The following WDR5 variants were observed in gnomAD, a reference collection of about 807,000 sequenced individuals.
The protein encoded by WDR5 is WD repeat domain 5, also known as WD repeat-containing protein 5.
For missense variants in WDR5, 187 were observed against 416.9 expected, an observed-to-expected ratio of 0.45 and a Z score of 4.80; for synonymous variants, 144 against 161.6, an observed-to-expected ratio of 0.89 and a Z score of 0.83.
intron 1 of WDR5, among the ~76,000 whole-genome samples, chr9:134,138,317 C>T (rs1831688054): frequency 7.2e-6 from 1 of 139,136 alleles, no homozygotes; most frequent in South Asian, 2.2e-4. Flanking sequence ...GGCATGGGCA[C>T]AGTTCACTCA....
intron 7 of WDR5, 87 bp downstream of exon 7, chr9:134,142,806 A>C: frequency 7.2e-7 from 1 of 1,383,072 alleles, no homozygotes; most frequent in Non-Finnish European, 1.0e-6. Context: ...TGAGGGGCGT[A>C]AGCCTGGCCA....
At position 134,148,283 on chromosome 9, in the gene WDR5, C is replaced by T. The variant is rs753960732; in HGVS notation, c.529-5C>T. On this transcript the variant is annotated splice_polypyrimidine_tract_variant and splice_region_variant and intron_variant, in intron 7 of 13. Transcript: ENST00000358625. The stretch of plus-strand genomic sequence containing the variant: ...TTGTCTCTTCTTCCTCTCCTTAATT[C>T]CTAGGTTCATTTTAATCGTGATGGA... 2 of 1,535,912 alleles carry T rather than the reference C, an allele frequency of 1.3e-6. No individual in the cohort carries two copies. Among genetic ancestry groups the T allele is most frequent in the Admixed American group, 1.8e-5 (1 of 54,370 alleles).
At chr9:134,145,730 C>T (rs1251378723) in intron 7 of WDR5, among the ~76,000 whole-genome samples, 2 of 152,202 alleles carry the variant, frequency 1.3e-5, no homozygotes, top group Non-Finnish European at 2.9e-5. Context: ...GGCTAGGGCT[C>T]CTCGGCTGAG....
intron 7 of WDR5, among the ~76,000 whole-genome samples, chr9:134,146,033 C>G (rs1368495459): frequency 1.3e-5 from 2 of 149,884 alleles, no homozygotes; most frequent in Non-Finnish European, 1.5e-5. Flanking sequence ...GGTGTGATCT[C>G]AGCTCACTGC....
chr9:134,151,920 C>G, intron 8 of WDR5, 63 bp from the exon 9 acceptor site: 13 of 1,542,336 alleles, frequency 8.4e-6, no homozygotes, highest in Non-Finnish European at 1.1e-5. Context: ...TATCTGACTC[C>G]CAGCAGCCCG....
intron 8 of WDR5, 80 bp downstream of exon 8, chr9:134,148,423 G>A: frequency 3.1e-6 from 4 of 1,279,320 alleles, no homozygotes; most frequent in South Asian, 2.5e-5. Flanking sequence ...GCATCTGGGG[G>A]TACAGCAGTG....
intron 1 of WDR5, among the ~76,000 whole-genome samples, chr9:134,139,083 C>T (rs28610172): frequency 1.2e-4 from 18 of 152,324 alleles, no homozygotes; most frequent in African/African-American, 4.3e-4. Context: ...TTTCGTTCCC[C>T]TGCAGTGTGA....
At position 134,152,084 on chromosome 9, in the gene WDR5, G is replaced by A. The variant is rs937958037; in HGVS notation, c.631+55G>A. 6.3e-6 allele frequency: 10 copies of A among 1,587,184 alleles called. 1 individual carries two copies. The highest frequency in any genetic ancestry group is 4.5e-5 in the South Asian group (4 of 88,244). On this transcript the variant is annotated intron_variant, in intron 9 of 13. Transcript: ENST00000358625. ...CTGTGGGGAGGGCCTCCCCTGCTGG[G>A]TTCACTGCCCCTGTTCTTCACCAGC...
upstream of WDR5, chr9:134,135,604 C>T (rs1252174385): frequency 6.6e-6 from 1 of 152,136 alleles, no homozygotes; most frequent in African/African-American, 2.4e-5. Flanking sequence ...GGGTGGGAGG[C>T]CACATGGGGG....
In WDR5 at chr9:134,159,398, C is replaced by T. The variant is rs957641274; in HGVS notation, c.*1405C>T. On this transcript the variant is annotated 3_prime_UTR_variant, in exon 14 of 14. Coordinates refer to ENST00000358625, the MANE Select transcript of WDR5 (RefSeq NM_017588.3). The surrounding 1 kb of genome is among the most constrained non-coding windows in gnomAD (Gnocchi z 4.3). ...CCGGAGCCCAGCCAGCTCTGCCTCT[C>T]TCAGGGCCTGGAGTCCTGGGGGAGC... 3.9e-5 allele frequency: 6 copies of T among 152,530 alleles called. No individual in the cohort carries two copies. Among genetic ancestry groups the T allele is most frequent in the Non-Finnish European group, 5.9e-5 (4 of 68,334 alleles). The allele number at this position is 152,530 out of a possible 1,614,324, so 9.4% of individuals were successfully genotyped here.
At chr9:134,153,140 C>G (rs191745288) in intron 9 of WDR5, among the ~76,000 whole-genome samples, 48 of 152,302 alleles carry the variant, frequency 3.2e-4, no homozygotes, top group African/African-American at 8.9e-4. Flanking sequence ...CACTTGGTGT[C>G]CCCTGGACGG....
intron 3 of WDR5, 117 bp from the exon 4 acceptor site, chr9:134,141,393 C>A: frequency 1.1e-6 from 1 of 951,708 alleles, no homozygotes; most frequent in Non-Finnish European, 1.7e-6. Context: ...GGGTTCTGAG[C>A]CATGTGGTTC....
chr9:134,158,130 A>G lies in WDR5; in HGVS notation c.*137A>G, dbSNP rs533098427. 3 of 742,998 alleles carry G rather than the reference A, an allele frequency of 4.0e-6. No homozygotes were observed. Among genetic ancestry groups the G allele is most frequent in the Admixed American group, 2.5e-5 (1 of 39,464 alleles). The allele number at this position is 742,998 out of a possible 1,614,324, so 46.0% of individuals were successfully genotyped here. On this transcript the variant is annotated 3_prime_UTR_variant, in exon 14 of 14. Coordinates refer to ENST00000358625, the MANE Select transcript of WDR5 (RefSeq NM_017588.3). ...CCTGATTTGAGCCTCCTCTCTGAAGATGATTTGGCCGAGCGGAAGGTGTGG... is the reference window on the plus strand; with the variant it reads ...CCTGATTTGAGCCTCCTCTCTGAAGGTGATTTGGCCGAGCGGAAGGTGTGG...
At position 134,158,610 on chromosome 9, in the gene WDR5, A is replaced by G. The variant is rs1168882017; in HGVS notation, c.*617A>G. On this transcript the variant is annotated 3_prime_UTR_variant, in exon 14 of 14. Coordinates refer to ENST00000358625, the MANE Select transcript of WDR5 (RefSeq NM_017588.3). ...CATGCCGATAGCACGGTCATCGCAC[A>G]TGACTCTCCCGTTTGTCTCAGTGTC... is the stretch of plus-strand genomic sequence containing the variant. 4 of 152,338 alleles carry G rather than the reference A, an allele frequency of 2.6e-5. No individual in the cohort carries two copies. The highest frequency in any genetic ancestry group is 4.4e-5 in the Non-Finnish European group (3 of 68,142). The allele number at this position is 152,338 out of a possible 1,614,324, so 9.4% of individuals were successfully genotyped here. A position where few individuals can be genotyped will look rare whatever the true frequency, so the allele number is the denominator to read the frequency against.
At position 134,157,986 on chromosome 9, in the gene WDR5, A is replaced by G. The variant is rs925215083; in HGVS notation, c.998A>G (p.Asp333Gly). ...AAAACAATTAAACTGTGGAAGAGTG[A>G]CTGCTAAGTCCCTTTGCTCCTGCCC... ...NDKTIKLWKS[D>G]C The change falls in exon 14 of 14, where the codon GAC becomes GGC. Residue 333 changes from aspartate to glycine, a missense_variant. Physicochemically the swap from Asp to Gly is moderately conservative, Grantham distance 94. Coordinates refer to ENST00000358625, the MANE Select transcript of WDR5 (RefSeq NM_017588.3). The surrounding 1 kb of genome is among the most constrained non-coding windows in gnomAD (Gnocchi z 5.0). The G allele has an allele frequency of 5.6e-6, 9 of 1,613,910 alleles. No individual in the cohort carries two copies. The African/African-American group carries it at 1.2e-4, about 22-fold the overall frequency.
chr9:134,152,283 G>A (rs1247327679), intron 9 of WDR5, among the ~76,000 whole-genome samples: 3 of 152,242 alleles, frequency 2.0e-5, no homozygotes, highest in Admixed American at 6.5e-5. Flanking sequence ...CTGTGCTGTC[G>A]GCCTCACTCC....
chr9:134,158,040 A>T lies in WDR5; in HGVS notation c.*47A>T. Reference sequence around the variant, plus strand: ...AGAGACTGTCGGGAAGTTGACCCGGATTGGCAAGAAACAGGGTGTCTTGGA... The same window carrying T: ...AGAGACTGTCGGGAAGTTGACCCGGTTTGGCAAGAAACAGGGTGTCTTGGA... On this transcript the variant is annotated 3_prime_UTR_variant, in exon 14 of 14. Transcript: ENST00000358625. 6.3e-7 allele frequency: 1 copy of T among 1,576,064 alleles called. No homozygotes were observed. The highest frequency in any genetic ancestry group is 8.7e-7 in the Non-Finnish European group (1 of 1,146,300).
chr9:134,141,777 C>G (rs1047052730), intron 4 of WDR5, among the ~76,000 whole-genome samples, 172 bp from the exon 5 acceptor site: 1 of 152,194 alleles, frequency 6.6e-6, no homozygotes, highest in East Asian at 1.9e-4. Context: ...GTCTGTGAGG[C>G]TGGCAGAGCT....
intron 11 of WDR5, 36 bp from the exon 12 acceptor site, chr9:134,155,657 A>G (rs776637123): frequency 1.2e-6 from 2 of 1,602,338 alleles, no homozygotes; most frequent in Admixed American, 1.7e-5. Context: ...AAGGGGAACC[A>G]TGACTCTGTG....
Sources: gnomAD v4.1 joint callset for allele counts (sites outside exome capture counted in the v4.1 genomes callset) on GRCh38, gnomAD v4.1.1 for gene constraint, Gnocchi (gnomAD v3.1) non-coding constraint, MANE v1.5 for transcripts, NCBI Gene and HGNC (gene_info 2026-07-23, HGNC 2026-07-21) for gene names.